VRK2: variants seen among roughly 807,000 people sequenced by gnomAD.
The protein encoded by VRK2 is serine/threonine-protein kinase VRK2.
VRK2 carries 60 observed loss-of-function variants against 57.6 expected under a neutral mutation model. The observed-to-expected ratio is 1.04, with a 90% confidence interval of 0.85 to 1.29. VRK2 has a LOEUF of 1.29. Ranked by LOEUF, VRK2 falls within the 50% of genes most tolerant of loss-of-function variation. The probability of loss-of-function intolerance (pLI) is 0.00; values close to 1 mark genes in which losing one functional copy is unlikely to be tolerated. For synonymous variants in VRK2, 231 were observed against 199.2 expected, an observed-to-expected ratio of 1.16 and a Z score of -1.35; for missense variants, 705 against 588.1, an observed-to-expected ratio of 1.20 and a Z score of -2.06.
intron 1 of VRK2, among the ~76,000 whole-genome samples, chr2:58,002,982 G>A (rs1374409689): frequency 6.6e-6 from 1 of 152,162 alleles, no homozygotes; most frequent in African/African-American, 2.4e-5. Flanking sequence ...AATAGTGTTG[G>A]AAGTTAAATT....
chr2:58,068,310 T>C (rs1668902289), intron 2 of VRK2, among the ~76,000 whole-genome samples: 1 of 152,198 alleles, frequency 6.6e-6, no homozygotes, highest in South Asian at 2.1e-4. Flanking sequence ...CTTCATTTAG[T>C]TTCTTTTCCA....
At chr2:57,937,975 G>A (rs1041525216) in intron 1 of VRK2, among the ~76,000 whole-genome samples, 2 of 151,776 alleles carry the variant, frequency 1.3e-5, no homozygotes, top group Non-Finnish European at 2.9e-5. Context: ...GGGACTACAG[G>A]TGCCCGCAAC....
At position 58,066,344 on chromosome 2, in the gene VRK2, GTTC is replaced by G. The variant is rs147400195; in HGVS notation, c.136+17383_136+17385del. Among the ~76,000 whole-genome samples, 490 of 152,182 alleles carry G rather than the reference GTTC, an allele frequency of 3.2e-3. 1 individual carries two copies. The highest frequency in any genetic ancestry group is 0.011 in the African/African-American group (456 of 41,536). ...CTACTTCAATTGATATGATCAGGTG[GTTC>G]TTCTTTAGATTATTAATATGGTAGA... On this transcript the variant is annotated intron_variant, in intron 2 of 12. Coordinates refer to ENST00000340157, the MANE Select transcript of VRK2 (RefSeq NM_006296.7).
chr2:58,065,944 T>C (rs1281428598), intron 2 of VRK2, among the ~76,000 whole-genome samples: 2 of 152,146 alleles, frequency 1.3e-5, no homozygotes, highest in Non-Finnish European at 2.9e-5. Flanking sequence ...GTGTTGTGTG[T>C]TGTGTGTTGA....
intron 2 of VRK2, among the ~76,000 whole-genome samples, chr2:58,056,775 G>C (rs1676586838): frequency 6.6e-6 from 1 of 152,164 alleles, no homozygotes; most frequent in Non-Finnish European, 1.5e-5. Flanking sequence ...CTTGGTAATA[G>C]TGTGAGATGT....
At chr2:57,954,583 T>C (rs1427631539) in intron 1 of VRK2, among the ~76,000 whole-genome samples, 1 of 152,098 alleles carries the variant, frequency 6.6e-6, no homozygotes, top group East Asian at 1.9e-4. Flanking sequence ...TTCCTAAAAC[T>C]CAATATACTA....
Position 58,159,629 on chromosome 2 carries a change from A to G in VRK2, c.1463A>G (p.Tyr488Cys), listed in dbSNP as rs777650949. ...TLSEETNADV[Y>C]YYRIIIPVLL... ...AGTGAAGAGACAAACGCAGATGTTT[A>G]TTATTATCGCATCATCATACCTGTC... Residue 488 changes from tyrosine to cysteine, a missense_variant, in exon 13 of 13, where the codon TAT becomes TGT. Transcript: ENST00000340157. The G allele has an allele frequency of 8.7e-6, 14 of 1,613,826 alleles. No individual in the cohort carries two copies. Among genetic ancestry groups the G allele is most frequent in the African/African-American group, 1.3e-5 (1 of 75,048 alleles).
rs534430727 is a variant in VRK2, at chr2:58,137,283, A to G, written c.856+2084A>G. On this transcript the variant is annotated intron_variant, in intron 10 of 12. Coordinates refer to ENST00000340157, the MANE Select transcript of VRK2 (RefSeq NM_006296.7). ...ATGATATATATGTGTTTGTATATAT[A>G]TCTCTTACCTTTCTTGTCAATCCTG... 5.9e-5 allele frequency among the ~76,000 whole-genome samples: 4 copies of G among 67,670 alleles called. No individual in the cohort carries two copies. In the East Asian group the frequency reaches 1.6e-3, roughly 27 times the overall value. The allele number at this position is 67,670 out of a possible 152,430, so 44.4% of individuals were successfully genotyped here. A position where few individuals can be genotyped will look rare whatever the true frequency, so the allele number is the denominator to read the frequency against.
At chr2:57,923,938 T>A (rs932808866) in intron 1 of VRK2, among the ~76,000 whole-genome samples, 2 of 152,078 alleles carry the variant, frequency 1.3e-5, no homozygotes, top group African/African-American at 4.8e-5. Flanking sequence ...TTCTTATGCG[T>A]ATGGATATCC....
chr2:58,064,805 C>CT (rs397871952), intron 2 of VRK2, among the ~76,000 whole-genome samples: 1 of 151,674 alleles, frequency 6.6e-6, no homozygotes, highest in East Asian at 1.9e-4. Context: ...AGATAATACA[C>CT]TTTTTTTTCA....
intron 2 of VRK2, among the ~76,000 whole-genome samples, chr2:58,052,435 C>G (rs1675891084): frequency 6.6e-6 from 1 of 152,104 alleles, no homozygotes; most frequent in East Asian, 1.9e-4. Flanking sequence ...GAAACCCCAT[C>G]TCTACTAAAA....
intron 1 of VRK2, among the ~76,000 whole-genome samples, chr2:57,976,610 T>C (rs890220690): frequency 4.6e-5 from 7 of 152,122 alleles, no homozygotes; most frequent in African/African-American, 1.7e-4. Flanking sequence ...TTATTGTTTC[T>C]GGATATTAGA....
intron 1 of VRK2, among the ~76,000 whole-genome samples, chr2:57,908,726 A>G (rs2103877493): frequency 6.6e-6 from 1 of 152,172 alleles, no homozygotes; most frequent in East Asian, 1.9e-4. Flanking sequence ...TAGTTTTTCA[A>G]AGTAGTTTTT....
At chr2:57,938,864 A>C (rs1310723673) in intron 1 of VRK2, among the ~76,000 whole-genome samples, 2 of 152,158 alleles carry the variant, frequency 1.3e-5, no homozygotes, top group Admixed American at 1.3e-4. Flanking sequence ...TATGACTTCA[A>C]AAAAAGAACT....
At chr2:58,014,705 G>A (rs935543073) in intron 1 of VRK2, among the ~76,000 whole-genome samples, 8 of 152,136 alleles carry the variant, frequency 5.3e-5, no homozygotes, top group South Asian at 2.1e-4. Context: ...CATGATTCTC[G>A]CCTTTGAAAA....
intron 1 of VRK2, among the ~76,000 whole-genome samples, chr2:57,940,125 G>C (rs2678894): frequency 0.63 from 95,687 of 151,472 alleles, 30,304 homozygotes; most frequent in African/African-American, 0.7. Flanking sequence ...ATTATATATA[G>C]AGAGATTTAT....
At chr2:57,949,511 A>G (rs577247985) in intron 1 of VRK2, among the ~76,000 whole-genome samples, 1 of 152,302 alleles carries the variant, frequency 6.6e-6, no homozygotes, top group Non-Finnish European at 1.5e-5. Flanking sequence ...CCGCGCCTAC[A>G]TAAAGTGGCA....
At chr2:58,157,751 CT>C (rs1684162924) in intron 12 of VRK2, among the ~76,000 whole-genome samples, 1 of 152,144 alleles carries the variant, frequency 6.6e-6, no homozygotes, top group South Asian at 2.1e-4. Flanking sequence ...GTCAGCAAAC[CT>C]TTTCTTAAAA....
chr2:58,149,686 A>T (rs947844171), intron 12 of VRK2, among the ~76,000 whole-genome samples: 1 of 151,642 alleles, frequency 6.6e-6, no homozygotes, highest in Non-Finnish European at 1.5e-5. Context: ...AATGCCCTTT[A>T]TCAGGCTGAG....
Sources: allele counts gnomAD v4.1 joint callset (sites outside exome capture counted in the v4.1 genomes callset), GRCh38; gene constraint gnomAD v4.1.1; transcripts MANE v1.5; gene names NCBI Gene and HGNC (gene_info 2026-07-23, HGNC 2026-07-21).